The following LY75 variants were observed in gnomAD, a reference collection of about 807,000 sequenced individuals.
LY75 encodes lymphocyte antigen 75.
Under a neutral mutation model 231.7 loss-of-function variants are expected in LY75, and 185 were observed. The ratio of observed to expected loss-of-function variants is 0.80; its 90% CI spans 0.71 to 0.90. LY75 has a LOEUF of 0.90. Ranked by LOEUF, LY75 falls within the 40% of genes least tolerant of loss-of-function variation. LY75 has a pLI of 0.00. For missense variants in LY75, 1,947 were observed against 2,050.2 expected, an observed-to-expected ratio of 0.95 and a Z score of 0.97; for synonymous variants, 668 against 689.0, an observed-to-expected ratio of 0.97 and a Z score of 0.48.
chr2:159,852,900 C>T (rs1684444547), intron 20 of LY75, among the ~76,000 whole-genome samples: 1 of 152,144 alleles, frequency 6.6e-6, no homozygotes, highest in Admixed American at 6.5e-5. Context: ...TGTGTGACTA[C>T]CATACCATCC....
intron 25 of LY75, among the ~76,000 whole-genome samples, chr2:159,840,323 C>A (rs1210074214): frequency 1.3e-5 from 2 of 152,156 alleles, no homozygotes; most frequent in Non-Finnish European, 1.5e-5. Context: ...GTAATCCCAG[C>A]ACCTTTGGGA....
chr2:159,856,199 C>A (rs913496750), intron 16 of LY75, among the ~76,000 whole-genome samples: 4 of 152,104 alleles, frequency 2.6e-5, no homozygotes, highest in African/African-American at 9.7e-5. Flanking sequence ...TCAAGAAATA[C>A]AATAAAAATT....
At chr2:159,844,967 G>A (rs533176333) in intron 23 of LY75, among the ~76,000 whole-genome samples, 25 of 151,976 alleles carry the variant, frequency 1.6e-4, no homozygotes, top group Non-Finnish European at 3.2e-4. Flanking sequence ...CCACTTGTAC[G>A]TTAGAACATG....
intron 16 of LY75, among the ~76,000 whole-genome samples, chr2:159,856,677 TTTTTA>T (rs897812389): frequency 6.6e-6 from 1 of 152,188 alleles, no homozygotes; most frequent in African/African-American, 2.4e-5. Flanking sequence ...GGAGTTTAGT[TTTTTA>T]TTTTATTTCT....
chr2:159,847,302 C>G (rs1199658131), intron 23 of LY75, among the ~76,000 whole-genome samples: 2 of 152,286 alleles, frequency 1.3e-5, no homozygotes, highest in Non-Finnish European at 1.5e-5. Flanking sequence ...GCATGAGCCA[C>G]CACGCCCAGC....
At position 159,834,332 on chromosome 2, in the gene LY75, A is replaced by G. The variant is rs1030596703; in HGVS notation, c.3674-121T>C. The stretch of plus-strand genomic sequence containing the variant: ...AAGCCGAGAAGTAATATCCTGGTGA[A>G]GCCTGTCTCTGTTTATACTCAGATA... On this transcript the variant is annotated intron_variant, in intron 26 of 34. Coordinates refer to ENST00000263636, the MANE Select transcript of LY75 (RefSeq NM_002349.4). 2.1e-5 allele frequency: 27 copies of G among 1,296,608 alleles called. No individual in the cohort carries two copies. In the African/African-American group the frequency reaches 3.9e-4, roughly 19 times the overall value. The allele number at this position is 1,296,608 out of a possible 1,614,324, so 80.3% of individuals were successfully genotyped here.
intron 14 of LY75, among the ~76,000 whole-genome samples, chr2:159,862,909 A>G (rs1461064646): frequency 6.6e-6 from 1 of 151,960 alleles, no homozygotes; most frequent in Non-Finnish European, 1.5e-5. Flanking sequence ...TATTCTTCCT[A>G]TCTAAATGAA....
chr2:159,872,226 T>C (rs937092580), intron 13 of LY75: 4 of 449,098 alleles, frequency 8.9e-6, no homozygotes. Context: ...TTGGACTTTA[T>C]TAAACAAAGG....
Position 159,879,508 on chromosome 2 carries a change from T to C in LY75, c.1405-139A>G, listed in dbSNP as rs1422470518. ...ATTATCAAATGTGAGAACACACTCCTAGAAAATGCTACTCAACAGGCCTGC... is the reference window on the plus strand; with the variant it reads ...ATTATCAAATGTGAGAACACACTCCCAGAAAATGCTACTCAACAGGCCTGC... On this transcript the variant is annotated intron_variant, in intron 8 of 34. Coordinates refer to ENST00000263636, the MANE Select transcript of LY75 (RefSeq NM_002349.4). The C allele has an allele frequency of 6.4e-6, 8 of 1,251,064 alleles. No homozygotes were observed. The East Asian group carries it at 2.1e-4, about 32-fold the overall frequency. The allele number at this position is 1,251,064 out of a possible 1,614,324, so 77.5% of individuals were successfully genotyped here.
Position 159,882,172 on chromosome 2 carries a change from G to T in LY75, c.1198C>A (p.His400Asn), listed in dbSNP as rs138660778. 194 of 1,613,816 alleles carry T rather than the reference G, an allele frequency of 1.2e-4. No individual in the cohort carries two copies. Among genetic ancestry groups the T allele is most frequent in the Middle Eastern group, 3.3e-4 (2 of 6,052 alleles). The change falls in exon 7 of 35, where the codon CAT (histidine) becomes AAT (asparagine). Residue 400 changes from histidine (H) to asparagine (N), a missense_variant. By Grantham distance (68) the His-to-Asn change is moderately conservative (BLOSUM62 1). Coordinates refer to ENST00000263636, the MANE Select transcript of LY75 (RefSeq NM_002349.4). Reference sequence around the variant, plus strand: ...ACCACCTCCACATCTGCTAGAGAATGAATGCTGATTAGGTCACTACTGAAG... The same window carrying T: ...ACCACCTCCACATCTGCTAGAGAATTAATGCTGATTAGGTCACTACTGAAG... ...KAFSSDLISI[H>N]SLADVEVVVT...
intron 11 of LY75, among the ~76,000 whole-genome samples, chr2:159,877,210 GT>G (rs1441509022): frequency 6.6e-6 from 1 of 152,016 alleles, no homozygotes; most frequent in African/African-American, 2.4e-5. Flanking sequence ...CCTAACTTTT[GT>G]GGGCATTTTC....
At chr2:159,858,785 A>T (rs1241147474) in intron 15 of LY75, among the ~76,000 whole-genome samples, 2 of 152,224 alleles carry the variant, frequency 1.3e-5, no homozygotes, top group African/African-American at 2.4e-5. Flanking sequence ...AGCTGTGATC[A>T]AATTAGATCA....
At chr2:159,900,145 G>A (rs925231363) in intron 1 of LY75, among the ~76,000 whole-genome samples, 1 of 152,194 alleles carries the variant, frequency 6.6e-6, no homozygotes, top group Admixed American at 6.5e-5. Flanking sequence ...AATCCTCCCT[G>A]AATGTTCCCC....
intron 32 of LY75, 109 bp from the exon 33 acceptor site, chr2:159,808,680 A>C: frequency 1.4e-6 from 2 of 1,444,524 alleles, no homozygotes; most frequent in Non-Finnish European, 1.8e-6. Context: ...ATCATTGATA[A>C]ATTCAAGCCT....
At chr2:159,810,443 A>G (rs1190735641) in intron 32 of LY75, 83 bp downstream of exon 32, 9 of 1,534,774 alleles carry the variant, frequency 5.9e-6, no homozygotes, top group African/African-American at 1.4e-5. Context: ...TTTCAAAAAT[A>G]CAATCATTGC....
Position 159,897,030 on chromosome 2 carries a change from C to CT in LY75, c.466+1657dup, listed in dbSNP as rs572738114. ...GTGGTCCCCTGGGTAGATCCTTAAC[C>CT]TTTTTTGTGCTACTGATCTCTTTGG... is the stretch of plus-strand genomic sequence containing the variant. On this transcript the variant is annotated intron_variant, in intron 2 of 34. Transcript: ENST00000263636. Among the ~76,000 whole-genome samples, 292 of 152,212 alleles carry CT rather than the reference C, an allele frequency of 1.9e-3. 1 individual carries two copies. The highest frequency in any genetic ancestry group is 6.7e-3 in the African/African-American group (279 of 41,544).
intron 34 of LY75, 24 bp from the exon 35 acceptor site, chr2:159,805,246 T>C (rs752109552): frequency 1.6e-5 from 26 of 1,591,464 alleles, no homozygotes; most frequent in Non-Finnish European, 2.0e-5. Flanking sequence ...AGGTTTGATG[T>C]TGGAGGAGAG....
intron 13 of LY75, among the ~76,000 whole-genome samples, chr2:159,866,872 A>T (rs74812237): frequency 0.014 from 2,150 of 152,250 alleles, 29 homozygotes; most frequent in Admixed American, 0.028. Flanking sequence ...GAAGACGATC[A>T]AAGATCATTT....
At chr2:159,872,671 CAT>C in intron 12 of LY75, 78 bp from the exon 13 acceptor site, 1 of 1,499,720 alleles carries the variant, frequency 6.7e-7, no homozygotes, top group African/African-American at 1.4e-5. Context: ...ATTACTGTCA[CAT>C]GTGTGGGCCC....
Sources: gnomAD v4.1 joint callset for allele counts (sites outside exome capture counted in the v4.1 genomes callset) on GRCh38, gnomAD v4.1.1 for gene constraint, MANE v1.5 for transcripts, NCBI Gene and HGNC (gene_info 2026-07-23, HGNC 2026-07-21) for gene names.